The following PRKAR2A variants were observed in gnomAD, a reference collection of about 807,000 sequenced individuals.
PRKAR2A encodes protein kinase cAMP-dependent type II regulatory subunit alpha.
A neutral mutation model predicts 51.9 loss-of-function variants in PRKAR2A; 29 were observed. The observed-to-expected ratio is 0.56, with a 90% CI of 0.42 to 0.76. The LOEUF is 0.76. PRKAR2A is among the 30% of genes least tolerant of loss of function. The pLI, the probability that PRKAR2A is intolerant of heterozygous loss-of-function variation, is 0.00. For synonymous variants in PRKAR2A, 178 were observed against 186.2 expected (o/e 0.96, Z 0.36); for missense variants, 445 against 512.1 (o/e 0.87, Z 1.26).
intron 1 of PRKAR2A, among the ~76,000 whole-genome samples, chr3:48,813,254 A>T (rs1205276075): frequency 6.6e-6 from 1 of 150,658 alleles, no homozygotes; most frequent in South Asian, 2.1e-4. Context: ...AAAAAAAAAA[A>T]TTAGCTGGCA....
intron 5 of PRKAR2A, among the ~76,000 whole-genome samples, chr3:48,780,751 T>C (rs2082182169): frequency 6.6e-6 from 1 of 152,014 alleles, no homozygotes; most frequent in South Asian, 2.1e-4. Flanking sequence ...CCAATGTATC[T>C]AGTACAGCTA....
At chr3:48,785,549 C>T (rs1468945586) in intron 4 of PRKAR2A, among the ~76,000 whole-genome samples, 3 of 151,902 alleles carry the variant, frequency 2.0e-5, no homozygotes, top group Non-Finnish European at 2.9e-5. Context: ...CGTGAGCCAC[C>T]GGGCCCGGCC....
chr3:48,764,923 CAAG>C, intron 8 of PRKAR2A, 78 bp downstream of exon 8: 1 of 1,327,546 alleles, frequency 7.5e-7, no homozygotes, highest in African/African-American at 1.5e-5. Context: ...CTGCGTCCGG[CAAG>C]AAGTTTTTGA....
intron 1 of PRKAR2A, among the ~76,000 whole-genome samples, chr3:48,845,473 G>C (rs1402833374): frequency 6.6e-6 from 1 of 152,142 alleles, no homozygotes; most frequent in Non-Finnish European, 1.5e-5. Flanking sequence ...CTAGTTTTGT[G>C]TGTGTGTGAT....
chr3:48,795,961 AT>A (rs2082485634), intron 2 of PRKAR2A, among the ~76,000 whole-genome samples: 1 of 152,242 alleles, frequency 6.6e-6, no homozygotes, highest in Admixed American at 6.5e-5. Flanking sequence ...GGAGATATCG[AT>A]ACAAATCATT....
At chr3:48,826,592 C>G (rs2083071368) in intron 1 of PRKAR2A, among the ~76,000 whole-genome samples, 1 of 152,034 alleles carries the variant, frequency 6.6e-6, no homozygotes, top group Non-Finnish European at 1.5e-5. Flanking sequence ...ACCTCCAGCC[C>G]CCTTTCTCTC....
At chr3:48,775,206 A>G (rs1462124652) in intron 5 of PRKAR2A, among the ~76,000 whole-genome samples, 1 of 152,058 alleles carries the variant, frequency 6.6e-6, no homozygotes, top group East Asian at 1.9e-4. Context: ...TGGGAGGCCA[A>G]GGTGGGTGGA....
At position 48,807,656 on chromosome 3, in the gene PRKAR2A, T is replaced by A; in HGVS notation, c.291A>T (p.Arg97=). Reference sequence around the variant, plus strand: ...ATGAAATAGAACACATACCTGATACTCGTCTATTAAATCTGCTAGGAACTG... The same window carrying A: ...ATGAAATAGAACACATACCTGATACACGTCTATTAAATCTGCTAGGAACTG... ...EVPVPSRFNR[R]VSVCAETYNP... is the part of the protein sequence containing the mutation. Residue 97 remains arginine, a synonymous_variant, in exon 2 of 11, where the codon CGA becomes CGT. Coordinates refer to ENST00000265563, the MANE Select transcript of PRKAR2A (RefSeq NM_004157.4). The A allele has an allele frequency of 6.3e-7, 1 of 1,599,456 alleles. No individual in the cohort carries two copies. The highest frequency in any genetic ancestry group is 1.3e-5 in the African/African-American group (1 of 74,680).
At chr3:48,792,086 A>G (rs925839778) in intron 3 of PRKAR2A, among the ~76,000 whole-genome samples, 2 of 152,088 alleles carry the variant, frequency 1.3e-5, no homozygotes, top group African/African-American at 4.8e-5. Context: ...GAAATCTTTC[A>G]TAAGTTACTC....
intron 1 of PRKAR2A, among the ~76,000 whole-genome samples, chr3:48,820,525 C>T (rs913867145): frequency 4.6e-5 from 7 of 152,094 alleles, no homozygotes; most frequent in Non-Finnish European, 8.8e-5. Flanking sequence ...TTACCAAGTA[C>T]CTAGAAACCA....
chr3:48,835,587 C>T (rs944584168), intron 1 of PRKAR2A, among the ~76,000 whole-genome samples: 1 of 144,432 alleles, frequency 6.9e-6, no homozygotes, highest in South Asian at 2.2e-4. Flanking sequence ...TTGCAGTGAG[C>T]GGAGACTGCA....
intron 1 of PRKAR2A, among the ~76,000 whole-genome samples, chr3:48,827,492 A>G (rs1230167710): frequency 6.6e-6 from 1 of 152,236 alleles, no homozygotes; most frequent in East Asian, 1.9e-4. Context: ...GAAATTTGTT[A>G]GGCAATTTCA....
At chr3:48,818,342 A>T (rs2082905206) in intron 1 of PRKAR2A, among the ~76,000 whole-genome samples, 1 of 152,248 alleles carries the variant, frequency 6.6e-6, no homozygotes, top group African/African-American at 2.4e-5. Flanking sequence ...ACTAATCTTT[A>T]GTCTGTCATT....
chr3:48,752,565 C>T lies in PRKAR2A; in HGVS notation c.940-248G>A, dbSNP rs2107190495. Among the ~76,000 whole-genome samples the T allele has an allele frequency of 1.3e-5, 2 of 152,240 alleles. 1 individual carries two copies. ...TTTTCAAGGTAATCTACAGCCATAC[C>T]ATTCTGAACATGCCCAATCTTGTCT... On this transcript the variant is annotated intron_variant, in intron 9 of 10. Transcript: ENST00000265563.
intron 6 of PRKAR2A, among the ~76,000 whole-genome samples, chr3:48,771,931 CTTTTG>C (rs145948964): frequency 0.023 from 3,488 of 152,104 alleles, 147 homozygotes; most frequent in African/African-American, 0.078. Flanking sequence ...GCTGTTCGTT[CTTTTG>C]TTTTGTTTTG....
rs558200907 is a variant in PRKAR2A at position 48,768,646 on chromosome 3, C to T, written c.697-3297G>A. ...CCTGGAGGCAGAGGATGCAGTGAGC[C>T]GAGATCACACCACTATACTCCAGCC... On this transcript the variant is annotated intron_variant, in intron 6 of 10. Coordinates refer to ENST00000265563, the MANE Select transcript of PRKAR2A (RefSeq NM_004157.4). Among the ~76,000 whole-genome samples the T allele has an allele frequency of 2.0e-5, 3 of 150,902 alleles. No homozygotes were observed. The South Asian group carries it at 6.3e-4, about 32-fold the overall frequency.
At chr3:48,775,429 C>T (rs1313207864) in intron 5 of PRKAR2A, among the ~76,000 whole-genome samples, 1 of 150,966 alleles carries the variant, frequency 6.6e-6, no homozygotes, top group Non-Finnish European at 1.5e-5. Context: ...CAGAACGAGG[C>T]TCTGTCTCAA....
At chr3:48,824,100 G>T (rs2083016917) in intron 1 of PRKAR2A, among the ~76,000 whole-genome samples, 1 of 152,096 alleles carries the variant, frequency 6.6e-6, no homozygotes, top group Non-Finnish European at 1.5e-5. Context: ...AATTAGCCAG[G>T]CGTGGTGGCA....
chr3:48,778,391 T>C (rs2082137426), intron 5 of PRKAR2A, among the ~76,000 whole-genome samples: 1 of 151,774 alleles, frequency 6.6e-6, no homozygotes, highest in South Asian at 2.1e-4. Flanking sequence ...TTATGATCAC[T>C]GCCCACTGTA....
Sources: allele counts gnomAD v4.1 joint callset (sites outside exome capture counted in the v4.1 genomes callset), GRCh38; gene constraint gnomAD v4.1.1; transcripts MANE v1.5; gene names NCBI Gene and HGNC (gene_info 2026-07-23, HGNC 2026-07-21).